Variants in MACF1 observed in about 807,000 individuals in gnomAD.
MACF1 encodes microtubule actin crosslinking factor 1.
A neutral mutation model predicts 854.8 loss-of-function variants in MACF1; 193 were observed. That is an observed-to-expected ratio of 0.23 (90% CI 0.20 to 0.25). MACF1 has a LOEUF of 0.25. Ranked by LOEUF, MACF1 falls within the 10% of genes least tolerant of loss-of-function variation. MACF1 has a pLI of 1.00. For synonymous variants in MACF1, 3,185 were observed against 3,226.7 expected (o/e 0.99, Z 0.44); for missense variants, 7,722 against 8,929.1 (o/e 0.86, Z 5.45).
At chr1:39,307,603 C>T (rs899834288) in intron 23 of MACF1, among the ~76,000 whole-genome samples, 9 of 152,086 alleles carry the variant, frequency 5.9e-5, no homozygotes, top group Non-Finnish European at 1.0e-4. Context: ...GAGACAGTCT[C>T]GCTCTGTCGC....
At chr1:39,190,388 TG>T in intron 2 of MACF1, among the ~76,000 whole-genome samples, 4 of 109,242 alleles carry the variant, frequency 3.7e-5, no homozygotes, top group South Asian at 4.0e-4. Context: ...TGTGTGTGTG[TG>T]TGTTTGTTTT....
At chr1:39,310,543 T>G (rs1646279260) in intron 25 of MACF1, 115 bp downstream of exon 25, 1 of 1,142,494 alleles carries the variant, frequency 8.8e-7, no homozygotes. Context: ...TCCATTTGAG[T>G]AGCTACGAAC....
chr1:39,424,813 T>G lies in MACF1; in HGVS notation c.16316+619T>G, dbSNP rs920921853. Reference sequence around the variant, plus strand: ...CATAGATGTCTTTACTTTTATACAGTCCTCAGTTTTAAAATTAAATACCAG... The same window carrying G: ...CATAGATGTCTTTACTTTTATACAGGCCTCAGTTTTAAAATTAAATACCAG... On this transcript the variant is annotated intron_variant, in intron 61 of 100. Coordinates refer to ENST00000564288, the MANE Select transcript of MACF1 (RefSeq NM_001394062.1). Among the ~76,000 whole-genome samples the G allele has an allele frequency of 4.6e-5, 7 of 152,318 alleles. No homozygotes were observed. In the South Asian group the frequency reaches 8.3e-4, roughly 18 times the overall value.
In MACF1 at chr1:39,333,950, A is replaced by T; in HGVS notation, c.7362A>T (p.Thr2454=). ...CCAAAGGTAGAGATGCTGAAAAAAC[A>T]GTTAGGGAGAGATTAATTAGTTTAC... is the stretch of plus-strand genomic sequence containing the variant. ...KASKGRDAEK[T]VRERLISLQM... The change falls in exon 37 of 101, where the codon ACA becomes ACT. Residue 2454 remains threonine (T), a synonymous_variant. Transcript: ENST00000564288. 2 of 1,614,190 alleles carry T rather than the reference A, an allele frequency of 1.2e-6. No homozygotes were observed.
At chr1:39,469,179 A>G (rs942589335) in intron 96 of MACF1, among the ~76,000 whole-genome samples, 1 of 152,168 alleles carries the variant, frequency 6.6e-6, no homozygotes, top group Non-Finnish European at 1.5e-5. Flanking sequence ...GGAAGGATAA[A>G]GACACCTACA....
chr1:39,232,781 C>CT (rs1644798748), intron 2 of MACF1, among the ~76,000 whole-genome samples: 1 of 102,776 alleles, frequency 9.7e-6, no homozygotes, highest in South Asian at 2.8e-4. Context: ...TTGTTTGTTT[C>CT]TTTGTTTGTT....
chr1:39,303,539 C>T (rs900400512), intron 23 of MACF1, among the ~76,000 whole-genome samples: 3 of 148,480 alleles, frequency 2.0e-5, no homozygotes, highest in South Asian at 4.3e-4. Flanking sequence ...GGCAACAGAG[C>T]GAGACTCTGT....
intron 33 of MACF1, among the ~76,000 whole-genome samples, chr1:39,323,633 C>T (rs1211890239): frequency 1.3e-5 from 2 of 151,848 alleles, no homozygotes; most frequent in Non-Finnish European, 2.9e-5. Context: ...GTATTTTAGA[C>T]TTGTTTGAAT....
chr1:39,364,313 T>C (rs537096469), intron 49 of MACF1, among the ~76,000 whole-genome samples: 91 of 152,254 alleles, frequency 6.0e-4, no homozygotes, highest in African/African-American at 2.2e-3. Context: ...TTGTGAACTA[T>C]CTGTTCATGT....
intron 49 of MACF1, among the ~76,000 whole-genome samples, chr1:39,365,903 T>G (rs1478473141): frequency 6.6e-6 from 1 of 152,150 alleles, no homozygotes; most frequent in African/African-American, 2.4e-5. Flanking sequence ...CTCGAACTCC[T>G]GACCTCAAGT....
intron 41 of MACF1, among the ~76,000 whole-genome samples, chr1:39,348,623 A>G (rs901144318): frequency 6.6e-6 from 1 of 152,154 alleles, no homozygotes; most frequent in African/African-American, 2.4e-5. Context: ...AGGGGGAGAG[A>G]GGGCCAATTT....
In MACF1 at chr1:39,230,598, C is replaced by A. The variant is rs576531554; in HGVS notation, c.110-584C>A. ...TGTTAAAGAGGTAAAAAAAAAAAAA[C>A]CTGGAGAAAAAAGGAGTTTGCTGCT... On this transcript the variant is annotated intron_variant, in intron 1 of 100. Coordinates refer to ENST00000564288, the MANE Select transcript of MACF1 (RefSeq NM_001394062.1). Among the ~76,000 whole-genome samples, 304 of 147,504 alleles carry A rather than the reference C, an allele frequency of 2.1e-3. 2 individuals are homozygous for A. Among genetic ancestry groups the A allele is most frequent in the African/African-American group, 7.2e-3 (293 of 40,908 alleles).
intron 22 of MACF1, 34 bp from the exon 23 acceptor site, chr1:39,302,890 C>A (rs1212875104): frequency 6.3e-7 from 1 of 1,591,994 alleles, no homozygotes; most frequent in Non-Finnish European, 8.6e-7. Flanking sequence ...GTTGGTTTAT[C>A]CATTAGCAAT....
chr1:39,324,376 G>T, intron 34 of MACF1, 31 bp downstream of exon 34: 1 of 1,608,242 alleles, frequency 6.2e-7, no homozygotes, highest in Non-Finnish European at 8.5e-7. Flanking sequence ...TGTTTACCTG[G>T]GTAGAATAAT....
At chr1:39,178,150 A>G (rs1644056143) in intron 2 of MACF1, among the ~76,000 whole-genome samples, 1 of 147,674 alleles carries the variant, frequency 6.8e-6, no homozygotes, top group African/African-American at 2.5e-5. Flanking sequence ...CCAGTGTGCT[A>G]CCTTACATTG....
At chr1:39,474,646 A>T (rs1032874857) in intron 97 of MACF1, among the ~76,000 whole-genome samples, 4 of 152,164 alleles carry the variant, frequency 2.6e-5, no homozygotes, top group Non-Finnish European at 5.9e-5. Flanking sequence ...GTGAGCTGAG[A>T]TTGTGCCACT....
rs1286053709 is a variant in MACF1 at position 39,361,395 on chromosome 1, C to G, written c.12489C>G (p.Ser4163Arg). ...AGGACATTGCTCGGCAAAAGAGCAG[C>G]TTGGAGGCCACCCGTGAGATGGTGA... ...LKQDIARQKS[S>R]LEATREMVTR... The change falls in exon 49 of 101, where the codon AGC becomes AGG. Residue 4163 changes from serine (S) to arginine (R), a missense_variant. Ser to Arg is a moderately radical substitution (Grantham distance 110). Transcript: ENST00000564288. The G allele has an allele frequency of 6.2e-7, 1 of 1,613,906 alleles. No homozygotes were observed. The highest frequency in any genetic ancestry group is 1.1e-5 in the South Asian group (1 of 91,082).
At chr1:39,477,084 T>TATACATACATACACACAC (rs1557675079) in intron 97 of MACF1, among the ~76,000 whole-genome samples, 1 of 12,776 alleles carries the variant, frequency 7.8e-5, no homozygotes, top group African/African-American at 2.8e-4. Flanking sequence ...TATATATATA[T>TATACATACATACACACAC]ATATATACAC....
intron 18 of MACF1, among the ~76,000 whole-genome samples, chr1:39,294,581 A>G (rs974610554): frequency 1.5e-4 from 23 of 152,246 alleles, no homozygotes; most frequent in Non-Finnish European, 8.8e-5. Flanking sequence ...CTGAAAGCAT[A>G]GTAAGGATCA....
Sources: gnomAD v4.1 joint callset for allele counts (sites outside exome capture counted in the v4.1 genomes callset) on GRCh38, gnomAD v4.1.1 for gene constraint, MANE v1.5 for transcripts, NCBI Gene and HGNC (gene_info 2026-07-23, HGNC 2026-07-21) for gene names.